Variants in ZNF69 observed in about 807,000 individuals in gnomAD.
ZNF69 encodes zinc finger protein 69, also known as ZNF3.
In ZNF69, 47 loss-of-function variants were observed where a neutral mutation model predicts 50.9. That is an observed-to-expected ratio of 0.92 (90% CI 0.73 to 1.18). The LOEUF is 1.18. ZNF69 is among the 50% of genes most tolerant of loss of function. The pLI is 0.00. For missense variants in ZNF69, 717 were observed against 675.1 expected (o/e 1.06, Z -0.69); for synonymous variants, 216 against 223.1 (o/e 0.97, Z 0.29).
intron 1 of ZNF69, among the ~76,000 whole-genome samples, chr19:11,895,255 C>T (rs1297809047): frequency 6.6e-6 from 1 of 152,252 alleles, no homozygotes; most frequent in East Asian, 1.9e-4. Context: ...AAGCCCATGA[C>T]ATACAGTGCA....
chr19:11,976,983 GC>G, the ZNF69 span: 1 of 1,609,722 alleles, frequency 6.2e-7, no homozygotes, highest in Non-Finnish European at 8.5e-7. Context: ...TAGAGTCTAG[GC>G]CCCCACTGCT....
chr19:11,965,218 G>C, the ZNF69 span: 1 of 1,614,084 alleles, frequency 6.2e-7, no homozygotes, highest in East Asian at 2.2e-5. Context: ...AATGGTGCGT[G>C]TGCATAGCCG....
At chr19:11,928,385 A>T in the ZNF69 span, among the ~76,000 whole-genome samples, 1 of 152,116 alleles carries the variant, frequency 6.6e-6, no homozygotes, top group Non-Finnish European at 1.5e-5. Flanking sequence ...TTTAAGAGTG[A>T]ATTTAACATT....
At chr19:11,943,357 TGATA>T in the ZNF69 span, among the ~76,000 whole-genome samples, 1 of 152,214 alleles carries the variant, frequency 6.6e-6, no homozygotes, top group South Asian at 2.1e-4. Context: ...CAGTCTATTT[TGATA>T]GATAGCATTT....
chr19:11,958,912 T>G, the ZNF69 span, among the ~76,000 whole-genome samples: 1 of 152,236 alleles, frequency 6.6e-6, no homozygotes, highest in Non-Finnish European at 1.5e-5. Flanking sequence ...AAACAGAATC[T>G]CACTCTGTCG....
the ZNF69 span, among the ~76,000 whole-genome samples, chr19:11,951,314 C>T: frequency 2.0e-5 from 3 of 150,372 alleles, no homozygotes; most frequent in African/African-American, 4.9e-5. Flanking sequence ...CTGCCACCTC[C>T]GCCTCCTAGG....
At chr19:11,922,191 G>C in the ZNF69 span, among the ~76,000 whole-genome samples, 1 of 151,792 alleles carries the variant, frequency 6.6e-6, no homozygotes, top group South Asian at 2.1e-4. Flanking sequence ...GCATTATTAT[G>C]TTTTACAAAT....
At chr19:11,948,317 G>A in the ZNF69 span, 2 of 1,613,814 alleles carry the variant, frequency 1.2e-6, no homozygotes, top group South Asian at 1.1e-5. Flanking sequence ...AAAGAAGACA[G>A]TCATTGTGGA....
At chr19:11,965,862 C>G in the ZNF69 span, among the ~76,000 whole-genome samples, 1 of 152,088 alleles carries the variant, frequency 6.6e-6, no homozygotes, top group African/African-American at 2.4e-5. Flanking sequence ...CAGGGAAAAT[C>G]ATGAATCAGT....
Position 11,903,596 on chromosome 19 carries a change from T to G in ZNF69, c.87T>G (p.Val29=), listed in dbSNP as rs1449683895. 1.9e-6 allele frequency: 3 copies of G among 1,614,144 alleles called. No individual in the cohort carries two copies. Among genetic ancestry groups the G allele is most frequent in the East Asian group, 2.2e-5 (1 of 44,880 alleles). ...AGGACCCAGTGGCCTTTGATGATGT[T>G]GCTGTGAACTTCACCCAGGAGGAGT... ...QEMDPVAFDD[V]AVNFTQEEWA... is the part of the protein sequence containing the mutation. The change falls in exon 2 of 4, where the codon GTT becomes GTG. Residue 29 remains valine, a synonymous_variant. Transcript: ENST00000429654.
chr19:11,905,865 C>T lies in ZNF69; in HGVS notation c.1468C>T (p.Pro490Ser), dbSNP rs540625451. Residue 490 changes from proline to serine, a missense_variant, in exon 4 of 4, where the codon CCC (proline) becomes TCC (serine). Coordinates refer to ENST00000429654, the MANE Select transcript of ZNF69 (RefSeq NM_001364730.1). ...GCTATGTGGGAAAGGCTTTTATTGT[C>T]CCAAATCATTGCAAAGACATGAAAA... is the stretch of plus-strand genomic sequence containing the variant. ...CKLCGKGFYC[P>S]KSLQRHEKTH... 2 of 1,612,966 alleles carry T rather than the reference C, an allele frequency of 1.2e-6. No individual in the cohort carries two copies. Among genetic ancestry groups the T allele is most frequent in the African/African-American group, 1.3e-5 (1 of 74,610 alleles).
chr19:11,978,340 A>G, the ZNF69 span: 1 of 1,614,206 alleles, frequency 6.2e-7, no homozygotes, highest in Non-Finnish European at 8.5e-7. Flanking sequence ...TATCAGGACT[A>G]TGCACCAAAG....
chr19:11,927,386 A>G, the ZNF69 span, among the ~76,000 whole-genome samples: 15 of 151,828 alleles, frequency 9.9e-5, no homozygotes, highest in Non-Finnish European at 1.8e-4. Flanking sequence ...AGAGGTCAAG[A>G]CCAACCTGGC....
chr19:11,917,532 G>A, downstream of ZNF69, among the ~76,000 whole-genome samples: 1 of 152,224 alleles, frequency 6.6e-6, no homozygotes, highest in East Asian at 1.9e-4. Context: ...CTTGTGAGCT[G>A]TGGGTGAGGC....
chr19:11,944,009 C>T, the ZNF69 span, among the ~76,000 whole-genome samples: 2 of 152,084 alleles, frequency 1.3e-5, no homozygotes, highest in Non-Finnish European at 2.9e-5. Context: ...TTCCCTCTAC[C>T]TTCACGGTGG....
chr19:11,939,139 T>C, the ZNF69 span, among the ~76,000 whole-genome samples: 1 of 152,246 alleles, frequency 6.6e-6, no homozygotes, highest in Admixed American at 6.5e-5. Flanking sequence ...CTTTGTCAGA[T>C]GGGTAGATTG....
At chr19:11,918,637 A>G (rs1473816788), downstream of ZNF69, among the ~76,000 whole-genome samples, 2 of 152,098 alleles carry the variant, frequency 1.3e-5, no homozygotes, top group East Asian at 1.9e-4. Context: ...AATTTTTTGT[A>G]GAGACAAGGG....
At chr19:11,948,662 T>C in the ZNF69 span, 2 of 1,612,002 alleles carry the variant, frequency 1.2e-6, no homozygotes, top group Non-Finnish European at 1.7e-6. Context: ...CGAAGACACA[T>C]GGTAATGCAC....
the ZNF69 span, among the ~76,000 whole-genome samples, chr19:11,951,689 A>G: frequency 6.6e-6 from 1 of 152,264 alleles, no homozygotes. Context: ...TGTGGGATGT[A>G]TGAGAATTAC....
Sources: allele counts gnomAD v4.1 joint callset (sites outside exome capture counted in the v4.1 genomes callset), GRCh38; gene constraint gnomAD v4.1.1; transcripts MANE v1.5; gene names NCBI Gene and HGNC (gene_info 2026-07-23, HGNC 2026-07-21).